SND1: variants seen among roughly 807,000 people sequenced by gnomAD.
SND1 encodes the protein staphylococcal nuclease and tudor domain containing 1.
A neutral mutation model predicts 121.7 loss-of-function variants in SND1; 38 were observed. The ratio of observed to expected loss-of-function variants is 0.31; its 90% CI spans 0.24 to 0.41. The LOEUF is 0.41. Among genes scored for constraint, SND1 ranks in the 10% least tolerant of loss-of-function variants. SND1 has a pLI of 1.00. For synonymous variants in SND1, 401 were observed against 447.4 expected (o/e 0.90, Z 1.31); for missense variants, 868 against 1,184.6 (o/e 0.73, Z 3.92).
intron 13 of SND1, among the ~76,000 whole-genome samples, chr7:127,903,676 G>A (rs910141425): frequency 2.0e-5 from 3 of 151,996 alleles, no homozygotes; most frequent in Non-Finnish European, 4.4e-5. Flanking sequence ...GGCTTATGAG[G>A]GTTTACTTTA....
At chr7:127,906,981 A>G (rs115902226) in intron 14 of SND1, among the ~76,000 whole-genome samples, 195 of 152,066 alleles carry the variant, frequency 1.3e-3, no homozygotes, top group African/African-American at 4.4e-3. Flanking sequence ...ACCAATTTTT[A>G]TTATCTTTTC....
In SND1 at chr7:127,652,352, C is replaced by G; in HGVS notation, c.-22C>G. On this transcript the variant is annotated 5_prime_UTR_variant, in exon 1 of 24. Coordinates refer to ENST00000354725, the MANE Select transcript of SND1 (RefSeq NM_014390.4). ...CTCCAGTCCGGCCAGCCGCTCCACT[C>G]GTTGCCTTTGCATCTCCACACATGG... The G allele has an allele frequency of 6.3e-7, 1 of 1,582,444 alleles. No individual in the cohort carries two copies.
At chr7:127,822,820 A>C (rs557712507) in intron 11 of SND1, among the ~76,000 whole-genome samples, 51 of 152,314 alleles carry the variant, frequency 3.3e-4, no homozygotes, top group African/African-American at 1.2e-3. Context: ...ATTTAATATC[A>C]TTGAATGTTT....
At position 127,933,736 on chromosome 7, in the gene SND1, A is replaced by G. The variant is rs1184067059; in HGVS notation, c.1669+4407A>G. On this transcript the variant is annotated intron_variant, in intron 15 of 23. Coordinates refer to ENST00000354725, the MANE Select transcript of SND1 (RefSeq NM_014390.4). ...TAACTAGAGTTTACCTTGCCCCTCAATTTGGAGTGGCATGATTTTGCAGCA... is the reference window on the plus strand; with the variant it reads ...TAACTAGAGTTTACCTTGCCCCTCAGTTTGGAGTGGCATGATTTTGCAGCA... Among the ~76,000 whole-genome samples, 9 of 152,260 alleles carry G rather than the reference A, an allele frequency of 5.9e-5. No individual in the cohort carries two copies. In the East Asian group the frequency reaches 1.5e-3, roughly 26 times the overall value.
chr7:127,947,356 C>G (rs1801350127), intron 15 of SND1, among the ~76,000 whole-genome samples: 1 of 152,078 alleles, frequency 6.6e-6, no homozygotes, highest in African/African-American at 2.4e-5. Context: ...CTAGATATGC[C>G]AGGAGCTTTA....
At chr7:127,787,127 C>T (rs1797827249) in intron 10 of SND1, among the ~76,000 whole-genome samples, 2 of 152,180 alleles carry the variant, frequency 1.3e-5, no homozygotes, top group Non-Finnish European at 2.9e-5. Flanking sequence ...GTGAGGGAAC[C>T]TCTGGTACAT....
At chr7:127,881,140 C>A (rs1171688000) in intron 12 of SND1, among the ~76,000 whole-genome samples, 1 of 152,028 alleles carries the variant, frequency 6.6e-6, no homozygotes, top group Non-Finnish European at 1.5e-5. Flanking sequence ...CACTTCTCAC[C>A]TTCCAGTAAT....
chr7:127,886,308 A>T (rs913340514), intron 12 of SND1, among the ~76,000 whole-genome samples: 3 of 132,750 alleles, frequency 2.3e-5, no homozygotes, highest in East Asian at 2.2e-4. Flanking sequence ...TTTCTTCTTT[A>T]AAAAAAAAAA....
At chr7:127,704,483 A>G (rs1475742102) in intron 7 of SND1, among the ~76,000 whole-genome samples, 1 of 152,234 alleles carries the variant, frequency 6.6e-6, no homozygotes, top group African/African-American at 2.4e-5. Flanking sequence ...AAGGGAGGGA[A>G]GAATAAGGTG....
chr7:128,025,978 A>G (rs1159776136), intron 16 of SND1, among the ~76,000 whole-genome samples: 1 of 152,000 alleles, frequency 6.6e-6, no homozygotes, highest in Non-Finnish European at 1.5e-5. Context: ...AGTCATTGCA[A>G]AGTTACTGCA....
intron 14 of SND1, among the ~76,000 whole-genome samples, chr7:127,922,237 G>A (rs1384110698): frequency 8.0e-6 from 1 of 124,478 alleles, no homozygotes; most frequent in Non-Finnish European, 1.6e-5. Flanking sequence ...GTGATGGCCA[G>A]GCTGGTCTCT....
At chr7:127,940,054 A>G (rs1175258024) in intron 15 of SND1, among the ~76,000 whole-genome samples, 6 of 152,106 alleles carry the variant, frequency 3.9e-5, no homozygotes, top group Non-Finnish European at 8.8e-5. Flanking sequence ...GCTTTTCCCT[A>G]GGTGTTCCTT....
chr7:128,042,800 A>G (rs1056507020), intron 16 of SND1, among the ~76,000 whole-genome samples: 1 of 152,248 alleles, frequency 6.6e-6, no homozygotes, highest in African/African-American at 2.4e-5. Flanking sequence ...CAGGCCTGTC[A>G]GCACCACCAC....
intron 1 of SND1, among the ~76,000 whole-genome samples, chr7:127,685,256 G>A (rs1007429739): frequency 2.6e-5 from 4 of 152,196 alleles, no homozygotes; most frequent in Admixed American, 6.5e-5. Flanking sequence ...TGCACTCTAA[G>A]TGAAAGGAGC....
Position 128,035,564 on chromosome 7 carries a change from G to A in SND1, c.1780-38938G>A, listed in dbSNP as rs544218255. On this transcript the variant is annotated intron_variant, in intron 16 of 23. Transcript: ENST00000354725. ...CACAGTGACTTACCTAAAGCTACAT[G>A]ACTGATTAGTATCAGAGTCTGTCCT... Among the ~76,000 whole-genome samples, 21 of 152,350 alleles carry A rather than the reference G, an allele frequency of 1.4e-4. No homozygotes were observed. In the South Asian group the frequency reaches 4.3e-3, roughly 32 times the overall value.
At chr7:127,967,123 C>T (rs1370848669) in intron 15 of SND1, among the ~76,000 whole-genome samples, 1 of 152,156 alleles carries the variant, frequency 6.6e-6, no homozygotes, top group African/African-American at 2.4e-5. Flanking sequence ...CGGTTTCCCC[C>T]ATGCTCCCAG....
chr7:127,771,473 C>T (rs547531527), intron 10 of SND1, among the ~76,000 whole-genome samples: 1 of 152,172 alleles, frequency 6.6e-6, no homozygotes, highest in South Asian at 2.1e-4. Context: ...TAATATGAAT[C>T]ATACGGAATG....
chr7:127,881,184 C>T (rs367724465), intron 12 of SND1, among the ~76,000 whole-genome samples: 4 of 152,200 alleles, frequency 2.6e-5, no homozygotes, highest in African/African-American at 9.6e-5. Flanking sequence ...CATTTATTCT[C>T]CCTGAAGATT....
In SND1 at chr7:128,092,139, C is replaced by T; in HGVS notation, c.*81C>T. 7.1e-7 allele frequency: 1 copy of T among 1,414,726 alleles called. No individual in the cohort carries two copies. The highest frequency in any genetic ancestry group is 1.2e-5 in the South Asian group (1 of 85,882). 87.6% of individuals were successfully genotyped at this position (1,414,726 alleles called of 1,614,324 possible). ...CGGGAGGGTGTTTTCAACTCCAAAC[C>T]CCAGAGAGGGGTTGTAGATTGGGTC... On this transcript the variant is annotated 3_prime_UTR_variant, in exon 24 of 24. Coordinates refer to ENST00000354725, the MANE Select transcript of SND1 (RefSeq NM_014390.4). The surrounding 1 kb of genome is among the most constrained non-coding windows in gnomAD (Gnocchi z 4.9).
Sources: allele counts gnomAD v4.1 joint callset (sites outside exome capture counted in the v4.1 genomes callset), GRCh38; gene constraint gnomAD v4.1.1; non-coding constraint Gnocchi (gnomAD v3.1); transcripts MANE v1.5; gene names NCBI Gene and HGNC (gene_info 2026-07-23, HGNC 2026-07-21).